The following HS6ST3 variants were observed in gnomAD, a reference collection of about 807,000 sequenced individuals.
HS6ST3 encodes heparan sulfate 6-O-sulfotransferase 3, also known as heparan-sulfate 6-O-sulfotransferase 3.
Under a neutral mutation model 36.7 loss-of-function variants are expected in HS6ST3, and 12 were observed. That is an observed-to-expected ratio of 0.33 (90% CI 0.21 to 0.53). The LOEUF is 0.53. Among genes scored for constraint, HS6ST3 ranks in the 20% least tolerant of loss-of-function variants. The pLI is 0.95. For missense variants in HS6ST3, 584 were observed against 640.9 expected (o/e 0.91, Z 0.96); for synonymous variants, 240 against 257.5 (o/e 0.93, Z 0.65).
At chr13:96,634,979 T>A (rs1270022007) in intron 1 of HS6ST3, among the ~76,000 whole-genome samples, 1 of 152,102 alleles carries the variant, frequency 6.6e-6, no homozygotes, top group African/African-American at 2.4e-5. Context: ...TCACTTCCCA[T>A]GTCTAACCAA....
chr13:96,564,677 G>T (rs756783164), intron 1 of HS6ST3, among the ~76,000 whole-genome samples: 11 of 152,070 alleles, frequency 7.2e-5, no homozygotes, highest in Non-Finnish European at 1.2e-4. Flanking sequence ...AGCAGAAATG[G>T]CACATGATCT....
At chr13:96,659,781 C>A (rs903906634) in intron 1 of HS6ST3, among the ~76,000 whole-genome samples, 4 of 152,014 alleles carry the variant, frequency 2.6e-5, no homozygotes, top group Admixed American at 6.6e-5. Context: ...TTTAGTGGCA[C>A]CTTTGTCACA....
At chr13:96,468,771 G>A (rs1415170346) in intron 1 of HS6ST3, among the ~76,000 whole-genome samples, 1 of 152,096 alleles carries the variant, frequency 6.6e-6, no homozygotes, top group Non-Finnish European at 1.5e-5. Flanking sequence ...TTTAAGAAGT[G>A]AAATCTCTAC....
At chr13:96,604,141 A>T (rs960214617) in intron 1 of HS6ST3, among the ~76,000 whole-genome samples, 1 of 152,208 alleles carries the variant, frequency 6.6e-6, no homozygotes, top group African/African-American at 2.4e-5. Context: ...TTGAGAAATC[A>T]AGAGAACTAT....
intron 1 of HS6ST3, among the ~76,000 whole-genome samples, chr13:96,469,867 C>G (rs949139067): frequency 6.6e-6 from 1 of 152,048 alleles, no homozygotes; most frequent in Non-Finnish European, 1.5e-5. Flanking sequence ...ACAACACTTA[C>G]AAAAATTTCT....
At chr13:96,240,303 G>A (rs2139372196) in intron 1 of HS6ST3, among the ~76,000 whole-genome samples, 1 of 152,218 alleles carries the variant, frequency 6.6e-6, no homozygotes, top group South Asian at 2.1e-4. Flanking sequence ...GAAATTAAAA[G>A]CATCAAAGGT....
chr13:96,181,255 T>TC (rs898042364), intron 1 of HS6ST3, among the ~76,000 whole-genome samples: 2 of 152,134 alleles, frequency 1.3e-5, no homozygotes, highest in African/African-American at 4.8e-5. Context: ...GACCTTTTTT[T>TC]CCCCCAAACT....
At chr13:96,662,027 A>AT (rs1470251652) in intron 1 of HS6ST3, among the ~76,000 whole-genome samples, 2 of 151,748 alleles carry the variant, frequency 1.3e-5, no homozygotes, top group Admixed American at 6.6e-5. Flanking sequence ...TGATTTTAGG[A>AT]TTTTTTCCTT....
chr13:96,706,413 T>TTTTATATATATA (rs5805987), intron 1 of HS6ST3, among the ~76,000 whole-genome samples: 12 of 121,058 alleles, frequency 9.9e-5, no homozygotes, highest in Non-Finnish European at 1.6e-4. Context: ...AGAATATATT[T>TTTTATATATATA]TATATATATA....
At chr13:96,332,171 C>T (rs375213620) in intron 1 of HS6ST3, among the ~76,000 whole-genome samples, 1 of 152,178 alleles carries the variant, frequency 6.6e-6, no homozygotes, top group South Asian at 2.1e-4. Context: ...AGCTGTAGAC[C>T]AGAGCTGTTC....
chr13:96,333,843 A>G (rs2055085556), intron 1 of HS6ST3, among the ~76,000 whole-genome samples: 1 of 152,176 alleles, frequency 6.6e-6, no homozygotes, highest in Admixed American at 6.5e-5. Flanking sequence ...AGGACCATAC[A>G]GTGAGTTGCA....
intron 1 of HS6ST3, among the ~76,000 whole-genome samples, chr13:96,170,208 C>G (rs1327624): frequency 1 from 152,311 of 152,366 alleles, 76,128 homozygotes; most frequent in Non-Finnish European, 1. Context: ...ACCGGGTGCT[C>G]TATCTTTCCC....
intron 1 of HS6ST3, among the ~76,000 whole-genome samples, chr13:96,336,190 C>G (rs934573169): frequency 6.6e-6 from 1 of 152,110 alleles, no homozygotes; most frequent in Non-Finnish European, 1.5e-5. Context: ...ACAACTAGTT[C>G]TATAAGACTT....
At chr13:96,207,168 AAG>A (rs1291545832) in intron 1 of HS6ST3, among the ~76,000 whole-genome samples, 1 of 152,174 alleles carries the variant, frequency 6.6e-6, no homozygotes, top group Admixed American at 6.5e-5. Flanking sequence ...CACTTCTCAA[AAG>A]AAGACATACA....
intron 1 of HS6ST3, among the ~76,000 whole-genome samples, chr13:96,316,136 G>T (rs1272171935): frequency 1.3e-5 from 2 of 151,982 alleles, no homozygotes; most frequent in Non-Finnish European, 2.9e-5. Context: ...GACGTATAAG[G>T]TATAAGATTA....
chr13:96,293,624 A>G (rs2054840705), intron 1 of HS6ST3, among the ~76,000 whole-genome samples: 2 of 152,140 alleles, frequency 1.3e-5, no homozygotes, highest in South Asian at 4.1e-4. Context: ...TTAATTCAGT[A>G]TTTCATAAGT....
At chr13:96,126,191 A>G (rs895228677) in intron 1 of HS6ST3, among the ~76,000 whole-genome samples, 1 of 152,148 alleles carries the variant, frequency 6.6e-6, no homozygotes, top group Non-Finnish European at 1.5e-5. Context: ...CACATCTGCT[A>G]GTCAGCCCCC....
At chr13:96,722,835 G>C (rs1170588480) in intron 1 of HS6ST3, among the ~76,000 whole-genome samples, 1 of 152,092 alleles carries the variant, frequency 6.6e-6, no homozygotes, top group Admixed American at 6.6e-5. Flanking sequence ...AAATTAGCTG[G>C]GCATGGTGGC....
intron 1 of HS6ST3, among the ~76,000 whole-genome samples, chr13:96,696,470 G>A (rs1417301692): frequency 6.6e-6 from 1 of 152,178 alleles, no homozygotes; most frequent in Non-Finnish European, 1.5e-5. Context: ...ATATAAAATG[G>A]ATGGAAGTAT....
Sources: gnomAD v4.1 joint callset for allele counts (sites outside exome capture counted in the v4.1 genomes callset) on GRCh38, gnomAD v4.1.1 for gene constraint, MANE v1.5 for transcripts, NCBI Gene and HGNC (gene_info 2026-07-23, HGNC 2026-07-21) for gene names.